Variants in LGR4 observed in about 807,000 individuals in gnomAD.
The protein encoded by LGR4 is leucine rich repeat containing G protein-coupled receptor 4.
Under a neutral mutation model 84.8 loss-of-function variants are expected in LGR4, and 44 were observed. The ratio of observed to expected loss-of-function variants is 0.52; its 90% CI spans 0.41 to 0.67. LGR4 has a LOEUF of 0.67. LGR4 is among the 30% of genes least tolerant of loss of function. LGR4 has a pLI of 0.00. For missense variants in LGR4, 1,032 were observed against 1,131.4 expected, an observed-to-expected ratio of 0.91 and a Z score of 1.26; for synonymous variants, 429 against 434.3, an observed-to-expected ratio of 0.99 and a Z score of 0.15.
chr11:27,369,879 C>G (rs948918654), intron 17 of LGR4, among the ~76,000 whole-genome samples: 2 of 152,130 alleles, frequency 1.3e-5, no homozygotes, highest in Admixed American at 1.3e-4. Context: ...AAGAAACTGA[C>G]AAAGGCCATT....
chr11:27,433,264 G>C (rs909615703), intron 1 of LGR4, among the ~76,000 whole-genome samples: 1 of 152,130 alleles, frequency 6.6e-6, no homozygotes, highest in Non-Finnish European at 1.5e-5. Flanking sequence ...CCAGGCTGGA[G>C]TGCAGTGGCG....
chr11:27,448,770 T>C (rs937428184), intron 1 of LGR4, among the ~76,000 whole-genome samples: 1 of 152,198 alleles, frequency 6.6e-6, no homozygotes, highest in African/African-American at 2.4e-5. Context: ...ATTCCATTTT[T>C]CTAGAAGAGA....
chr11:27,373,720 T>A (rs1565069591), intron 14 of LGR4, 44 bp from the exon 15 acceptor site: 1 of 1,498,876 alleles, frequency 6.7e-7, no homozygotes, highest in African/African-American at 1.4e-5. Flanking sequence ...AATATATAAA[T>A]CACATAAAAA....
intron 1 of LGR4, among the ~76,000 whole-genome samples, chr11:27,442,048 C>T (rs971246674): frequency 6.6e-6 from 1 of 152,198 alleles, no homozygotes; most frequent in South Asian, 2.1e-4. Flanking sequence ...CAATCCTATT[C>T]TCTTAACAGT....
At chr11:27,408,956 A>G (rs914993504) in intron 2 of LGR4, among the ~76,000 whole-genome samples, 2 of 152,116 alleles carry the variant, frequency 1.3e-5, no homozygotes, top group Non-Finnish European at 2.9e-5. Context: ...TTGGGGCCAC[A>G]ATCTATGTTT....
At chr11:27,467,198 G>T (rs1386147577) in intron 1 of LGR4, among the ~76,000 whole-genome samples, 1 of 152,128 alleles carries the variant, frequency 6.6e-6, no homozygotes, top group East Asian at 1.9e-4. Context: ...AGAGTCTCCT[G>T]GGTTGGTGAG....
At chr11:27,400,033 CTATT>C (rs990396381) in intron 2 of LGR4, among the ~76,000 whole-genome samples, 2 of 152,030 alleles carry the variant, frequency 1.3e-5, no homozygotes, top group African/African-American at 4.8e-5. Flanking sequence ...TTTCGTCATC[CTATT>C]ATTATACAGG....
intron 7 of LGR4, 129 bp downstream of exon 7, chr11:27,382,055 ATTAT>A (rs1423674204): frequency 4.7e-6 from 3 of 636,260 alleles, no homozygotes; most frequent in Admixed American, 3.1e-5. Context: ...CAACTTTATG[ATTAT>A]TTGTGTGTTT....
At chr11:27,438,845 C>T (rs1642851576) in intron 1 of LGR4, among the ~76,000 whole-genome samples, 1 of 152,154 alleles carries the variant, frequency 6.6e-6, no homozygotes, top group South Asian at 2.1e-4. Context: ...CATCAGCTCT[C>T]CCGGGTCCCA....
chr11:27,459,179 C>G (rs965511060), intron 1 of LGR4, among the ~76,000 whole-genome samples: 4 of 152,020 alleles, frequency 2.6e-5, no homozygotes, highest in Non-Finnish European at 5.9e-5. Flanking sequence ...GAAGAGATGT[C>G]TATATAAATT....
At chr11:27,440,253 G>A (rs1864283676) in intron 1 of LGR4, among the ~76,000 whole-genome samples, 2 of 152,040 alleles carry the variant, frequency 1.3e-5, no homozygotes, top group South Asian at 2.1e-4. Context: ...GGAGGGGTGT[G>A]GAGAGGCACG....
intron 7 of LGR4, among the ~76,000 whole-genome samples, chr11:27,381,539 G>C (rs1256558812): frequency 2.0e-5 from 3 of 152,082 alleles, no homozygotes; most frequent in Non-Finnish European, 4.4e-5. Context: ...ACAATTAGCT[G>C]GGCGTGGTGG....
intron 6 of LGR4, among the ~76,000 whole-genome samples, chr11:27,382,559 T>C (rs1318021722): frequency 6.6e-6 from 1 of 152,216 alleles, no homozygotes; most frequent in South Asian, 2.1e-4. Flanking sequence ...ATCTGAATGG[T>C]ATTTCTCTGA....
At chr11:27,408,011 A>G (rs1226588856) in intron 2 of LGR4, among the ~76,000 whole-genome samples, 1 of 152,152 alleles carries the variant, frequency 6.6e-6, no homozygotes, top group Non-Finnish European at 1.5e-5. Context: ...ACCTTGATAC[A>G]GAATATTATA....
chr11:27,426,686 A>T (rs1057150629), intron 1 of LGR4, among the ~76,000 whole-genome samples: 4 of 152,202 alleles, frequency 2.6e-5, no homozygotes, highest in African/African-American at 9.6e-5. Flanking sequence ...GTCAGTTATT[A>T]TTATTTTTCT....
At chr11:27,398,929 G>A (rs768015000) in intron 2 of LGR4, among the ~76,000 whole-genome samples, 16 of 151,680 alleles carry the variant, frequency 1.1e-4, no homozygotes, top group Non-Finnish European at 2.1e-4. Flanking sequence ...TTTTTGAGAC[G>A]GAGTTTCATT....
chr11:27,375,478 G>GT (rs1862959771), intron 13 of LGR4, among the ~76,000 whole-genome samples: 1 of 152,100 alleles, frequency 6.6e-6, no homozygotes, highest in Admixed American at 6.6e-5. Flanking sequence ...GATTTTTTAA[G>GT]TAAGTGCTTC....
intron 17 of LGR4, 101 bp downstream of exon 17, chr11:27,371,514 C>T: frequency 5.0e-6 from 4 of 794,476 alleles, no homozygotes; most frequent in Non-Finnish European, 8.3e-6. Context: ...CCTCTAGTAC[C>T]ATCCCTATTA....
chr11:27,380,416 A>T, intron 9 of LGR4, 77 bp from the exon 10 acceptor site: 1 of 1,031,790 alleles, frequency 9.7e-7, no homozygotes, highest in Non-Finnish European at 1.5e-6. Flanking sequence ...TTAAAATTAC[A>T]GTGCAACTAT....
Sources: allele counts gnomAD v4.1 joint callset (sites outside exome capture counted in the v4.1 genomes callset), GRCh38; gene constraint gnomAD v4.1.1; transcripts MANE v1.5; gene names NCBI Gene and HGNC (gene_info 2026-07-23, HGNC 2026-07-21).